The following RHCE variants were observed in gnomAD, a reference collection of about 807,000 sequenced individuals.
RHCE encodes blood group Rh(CE) polypeptide.
Under a neutral mutation model 43.8 loss-of-function variants are expected in RHCE, and 22 were observed. That is an observed-to-expected ratio of 0.50 (90% CI 0.36 to 0.72). RHCE has a LOEUF of 0.72. Ranked by LOEUF, RHCE falls within the 30% of genes least tolerant of loss-of-function variation. RHCE has a pLI of 0.00. For synonymous variants in RHCE, 156 were observed against 210.7 expected (o/e 0.74, Z 2.25); for missense variants, 385 against 525.4 (o/e 0.73, Z 2.61).
intron 9 of RHCE, among the ~76,000 whole-genome samples, chr1:25,367,928 T>C (rs921048462): frequency 6.6e-6 from 1 of 150,390 alleles, no homozygotes; most frequent in East Asian, 1.9e-4. Context: ...TGAGTCATGA[T>C]GGTGCCACTG....
intron 3 of RHCE, among the ~76,000 whole-genome samples, chr1:25,395,774 C>T (rs1270612747): frequency 3.3e-5 from 5 of 152,148 alleles, no homozygotes; most frequent in African/African-American, 1.2e-4. Context: ...GAAAGCTTTT[C>T]CTTACAGGAG....
intron 8 of RHCE, among the ~76,000 whole-genome samples, chr1:25,374,051 C>G (rs1645703780): frequency 6.6e-6 from 1 of 150,996 alleles, no homozygotes; most frequent in African/African-American, 2.5e-5. Flanking sequence ...GAACTCCTGA[C>G]CTCAGGTGAT....
chr1:25,388,836 C>T, intron 6 of RHCE, 140 bp downstream of exon 6: 1 of 1,399,396 alleles, frequency 7.1e-7, no homozygotes, highest in East Asian at 2.4e-5. Flanking sequence ...AGGATGGATC[C>T]CTCGCTAGGC....
At chr1:25,386,305 G>C (rs988064609) in intron 6 of RHCE, among the ~76,000 whole-genome samples, 1 of 152,184 alleles carries the variant, frequency 6.6e-6, no homozygotes, top group Non-Finnish European at 1.5e-5. Context: ...ATGTCCCCTG[G>C]GGGGTGACCA....
chr1:25,415,592 C>A (rs185335117), intron 1 of RHCE, among the ~76,000 whole-genome samples: 1 of 151,956 alleles, frequency 6.6e-6, no homozygotes, highest in African/African-American at 2.4e-5. Flanking sequence ...GCGGAGGTTG[C>A]GGTGAGCCAA....
At position 25,402,837 on chromosome 1, in the gene RHCE, T is replaced by C. The variant is rs114725797; in HGVS notation, c.336-91A>G. ...CATTCATTCATTCAACAAACACTGT[T>C]GGGCACCTTACTTTCTGTGGAAATA... On this transcript the variant is annotated intron_variant, in intron 2 of 9. Transcript: ENST00000294413. 1,484 of 1,560,608 alleles carry C rather than the reference T, an allele frequency of 9.5e-4. 13 individuals carry two copies. In the African/African-American group the frequency reaches 0.017, roughly 18 times the overall value.
At chr1:25,429,221 GTTTTTTTTTT>G (rs386366538) in intron 1 of RHCE, among the ~76,000 whole-genome samples, 1,507 of 112,406 alleles carry the variant, frequency 0.013, 44 homozygotes, top group African/African-American at 0.051. Context: ...TTCCTGGGAA[GTTTTTTTTTT>G]TTTTTTTTTT....
At chr1:25,377,323 A>G (rs1240306049) in intron 7 of RHCE, among the ~76,000 whole-genome samples, 1 of 151,690 alleles carries the variant, frequency 6.6e-6, no homozygotes, top group African/African-American at 2.4e-5. Context: ...CAGCCTCCCG[A>G]GTAGCTGAGA....
At chr1:25,400,312 C>T (rs1571889759) in intron 3 of RHCE, among the ~76,000 whole-genome samples, 1 of 152,356 alleles carries the variant, frequency 6.6e-6, no homozygotes, top group South Asian at 2.1e-4. Flanking sequence ...GCCAAGGTCT[C>T]CTTGTCAAAT....
At chr1:25,405,188 T>A (rs2124486666) in intron 2 of RHCE, among the ~76,000 whole-genome samples, 1 of 151,720 alleles carries the variant, frequency 6.6e-6, no homozygotes, top group East Asian at 1.9e-4. Context: ...TGAGGTCCTG[T>A]CTCTGCAGAA....
Position 25,375,993 on chromosome 1 carries a change from G to A in RHCE, c.1074-565C>T, listed in dbSNP as rs181660603. Among the ~76,000 whole-genome samples the A allele has an allele frequency of 4.1e-4, 62 of 152,076 alleles. 1 individual carries two copies. The East Asian group carries it at 5.8e-3, about 14-fold the overall frequency. On this transcript the variant is annotated intron_variant, in intron 7 of 9. Transcript: ENST00000294413. ...ATTAATAGAGACGGGGTTTCACCAT[G>A]TTGACCAGGCTGAACTCGAACTCCT...
chr1:25,388,855 C>T, intron 6 of RHCE, 121 bp downstream of exon 6: 1 of 1,529,624 alleles, frequency 6.5e-7, no homozygotes, highest in Non-Finnish European at 9.0e-7. Context: ...GCGTTGAAGC[C>T]AATAAGAGAA....
intron 7 of RHCE, among the ~76,000 whole-genome samples, chr1:25,377,137 CA>C (rs1645811920): frequency 6.6e-6 from 1 of 152,034 alleles, no homozygotes. Flanking sequence ...ATCAAAACCT[CA>C]GGGAAATGTT....
chr1:25,411,543 G>C, intron 1 of RHCE: 1 of 1,404,368 alleles, frequency 7.1e-7, no homozygotes, highest in South Asian at 1.5e-5. Flanking sequence ...CAGGATATAG[G>C]AGACCCCCAA....
At chr1:25,417,132 C>A (rs623811) in intron 1 of RHCE, among the ~76,000 whole-genome samples, 5 of 103,612 alleles carry the variant, frequency 4.8e-5, no homozygotes, top group African/African-American at 2.9e-4. Context: ...ACAGATAGAG[C>A]CTTAAAAAAC....
rs147569674 is a variant in RHCE, at chr1:25,408,697, G to A, written c.321C>T (p.Val107=). The stretch of plus-strand genomic sequence containing the variant: ...CATCCCAATACCTGAACAGTGTGAT[G>A]ACCACCTTCCCAGGAGGGAACTGGC... ...FLSQFPPGKV[V]ITLFSIRLAT... The change falls in exon 2 of 10, where the codon GTC becomes GTT. Residue 107 remains valine (V), a synonymous_variant. Coordinates refer to ENST00000294413, the MANE Select transcript of RHCE (RefSeq NM_020485.8). The A allele has an allele frequency of 1.2e-4, 158 of 1,282,478 alleles. 19 individuals are homozygous for A. The African/African-American group carries it at 2.1e-3, about 17-fold the overall frequency. The allele number at this position is 1,282,478 out of a possible 1,614,324, so 79.4% of individuals were successfully genotyped here.
At chr1:25,425,108 C>T (rs768169882), upstream of RHCE, among the ~76,000 whole-genome samples, 4 of 152,164 alleles carry the variant, frequency 2.6e-5, no homozygotes, top group Admixed American at 1.3e-4. Flanking sequence ...TGAGCCACTG[C>T]GTCTGGCCGT....
chr1:25,385,416 A>C, intron 7 of RHCE: 1 of 456,212 alleles, frequency 2.2e-6, no homozygotes, highest in Non-Finnish European at 4.1e-6. Context: ...CACAGTCTCA[A>C]TTGGCTTGGG....
At chr1:25,379,616 T>C (rs1645931442) in intron 7 of RHCE, among the ~76,000 whole-genome samples, 1 of 148,598 alleles carries the variant, frequency 6.7e-6, no homozygotes. Flanking sequence ...GTAATCCTCC[T>C]GTCTCAGCCT....
Sources: gnomAD v4.1 joint callset for allele counts (sites outside exome capture counted in the v4.1 genomes callset) on GRCh38, gnomAD v4.1.1 for gene constraint, MANE v1.5 for transcripts, NCBI Gene and HGNC (gene_info 2026-07-23, HGNC 2026-07-21) for gene names.